The following MYH16 variants were observed in gnomAD, a reference collection of about 807,000 sequenced individuals.
MYH16 encodes the protein putative uncharacterized protein MYH16.
chr7:99,284,915 C>T (rs778246457), exon 26 of MYH16: 11 of 456,566 alleles, frequency 2.4e-5, no homozygotes, highest in Admixed American at 1.4e-4. Context: ...CACGCTGCAG[C>T]GGAAACTGAA....
chr7:99,309,761 C>A (rs188522210), downstream of MYH16, among the ~76,000 whole-genome samples: 11 of 152,380 alleles, frequency 7.2e-5, no homozygotes, highest in African/African-American at 2.4e-4. Context: ...CAGCAAGGAT[C>A]TACTTCCATG....
intron 29 of MYH16, among the ~76,000 whole-genome samples, 174 bp from the exon 11 acceptor site, chr7:99,289,113 C>CAA (rs543932564): frequency 1.6e-5 from 2 of 128,934 alleles, no homozygotes; most frequent in Non-Finnish European, 1.7e-5. Flanking sequence ...TACCCTGTCT[C>CAA]AAAAAAAAAA....
chr7:99,264,837 T>C (rs922501143), intron 15 of MYH16, among the ~76,000 whole-genome samples: 2 of 152,184 alleles, frequency 1.3e-5, no homozygotes, highest in Non-Finnish European at 2.9e-5. Flanking sequence ...GACCCAGCTC[T>C]GAATCTGGAG....
At chr7:99,243,973 A>ACATT (rs1791699523) in intron 2 of MYH16, among the ~76,000 whole-genome samples, 1 of 147,744 alleles carries the variant, frequency 6.8e-6, no homozygotes, top group Non-Finnish European at 1.5e-5. Flanking sequence ...AAACATCCAA[A>ACATT]CATTCATCCA....
chr7:99,239,267 G>A (rs892859089), intron 1 of MYH16, among the ~76,000 whole-genome samples: 10 of 152,244 alleles, frequency 6.6e-5, no homozygotes, highest in Non-Finnish European at 1.3e-4. Context: ...TCACATGAAA[G>A]CACTTCATAG....
At chr7:99,249,784 T>A (rs1791788179) in intron 4 of MYH16, among the ~76,000 whole-genome samples, 1 of 151,904 alleles carries the variant, frequency 6.6e-6, no homozygotes. Flanking sequence ...CTCGAACTCC[T>A]GACCTCAGGT....
exon 29 of MYH16, chr7:99,288,036 A>G: frequency 2.2e-6 from 1 of 456,758 alleles, no homozygotes; most frequent in Non-Finnish European, 4.4e-6. Flanking sequence ...GCATGTGGAG[A>G]GCCTGCAGAG....
At chr7:99,291,617 A>ACCCCCCCCCC (rs34446113) in intron 31 of MYH16, among the ~76,000 whole-genome samples, 167 bp downstream of exon 12, 166 of 105,944 alleles carry the variant, frequency 1.6e-3, no homozygotes, top group Middle Eastern at 4.8e-3. Flanking sequence ...ACACAGCAAG[A>ACCCCCCCCCC]CCCCCCCCCA....
At chr7:99,279,228 G>A (rs1792165594) in intron 21 of MYH16, among the ~76,000 whole-genome samples, 2 of 151,654 alleles carry the variant, frequency 1.3e-5, no homozygotes, top group South Asian at 2.1e-4. Context: ...GCATTGCAGT[G>A]TGTACCTGTA....
chr7:99,280,151 G>T (rs1792182527), intron 22 of MYH16, among the ~76,000 whole-genome samples: 1 of 152,154 alleles, frequency 6.6e-6, no homozygotes, highest in Non-Finnish European at 1.5e-5. Context: ...GGGATTACAG[G>T]CATGGGCCAC....
chr7:99,268,130 C>G (rs533779273), intron 18 of MYH16, among the ~76,000 whole-genome samples: 2 of 152,302 alleles, frequency 1.3e-5, no homozygotes, highest in African/African-American at 4.8e-5. Flanking sequence ...TTATAATACT[C>G]TGTGTGTGTG....
chr7:99,281,543 C>G (rs1792198766), intron 23 of MYH16, among the ~76,000 whole-genome samples: 1 of 152,192 alleles, frequency 6.6e-6, no homozygotes, highest in Non-Finnish European at 1.5e-5. Flanking sequence ...GCCTGGGTGA[C>G]AGCGAGACCC....
intron 21 of MYH16, among the ~76,000 whole-genome samples, chr7:99,278,570 C>T (rs962793463): frequency 3.3e-5 from 5 of 152,314 alleles, no homozygotes; most frequent in Admixed American, 1.3e-4. Flanking sequence ...CTCTCACAGC[C>T]GCCCTGTAAG....
exon 30 of MYH16, chr7:99,289,363 G>A (rs557612958): frequency 2.9e-5 from 13 of 445,546 alleles, no homozygotes; most frequent in South Asian, 1.8e-4. Context: ...GAGCTAGAGC[G>A]AAACCAAGCA....
chr7:99,249,174 G>A (rs1359685010), intron 4 of MYH16, among the ~76,000 whole-genome samples: 1 of 152,098 alleles, frequency 6.6e-6, no homozygotes, highest in African/African-American at 2.4e-5. Context: ...CTGTTAAACT[G>A]ACAGGGTGGC....
At chr7:99,254,403 G>T (rs1401050246) in intron 8 of MYH16, among the ~76,000 whole-genome samples, 1 of 152,206 alleles carries the variant, frequency 6.6e-6, no homozygotes, top group African/African-American at 2.4e-5. Flanking sequence ...CAAAATCTGG[G>T]ATATAAAACT....
At chr7:99,262,230 G>A (rs1336647833) in intron 13 of MYH16, among the ~76,000 whole-genome samples, 2 of 152,206 alleles carry the variant, frequency 1.3e-5, no homozygotes, top group African/African-American at 4.8e-5. Context: ...ATCGCTGTAA[G>A]TGCCAATGCT....
intron 1 of MYH16, chr7:99,243,148 T>G (rs2150804355): frequency 6.5e-6 from 1 of 152,734 alleles, no homozygotes; most frequent in Admixed American, 6.5e-5. Context: ...GGGATGTGGC[T>G]GGACCAGGAC....
At chr7:99,274,589 T>C (rs959726438) in intron 20 of MYH16, among the ~76,000 whole-genome samples, 1 of 151,896 alleles carries the variant, frequency 6.6e-6, no homozygotes, top group Non-Finnish European at 1.5e-5. Flanking sequence ...TAGGTGAGCA[T>C]GTCTCAAAGG....
Sources: gnomAD v4.1 joint callset for allele counts (sites outside exome capture counted in the v4.1 genomes callset) on GRCh38, gnomAD v4.1.1 for gene constraint, MANE v1.5 for transcripts, NCBI Gene and HGNC (gene_info 2026-07-23, HGNC 2026-07-21) for gene names.